TBL1X: variants seen among roughly 807,000 people sequenced by gnomAD.
TBL1X encodes transducin beta like 1 X-linked, also known as F-box-like/WD repeat-containing protein TBL1X.
In TBL1X, 10 loss-of-function variants were observed where a neutral mutation model predicts 50.7. The ratio of observed to expected loss-of-function variants is 0.20; its 90% CI spans 0.12 to 0.33. The LOEUF (loss-of-function observed/expected upper bound fraction) is 0.33. Ranked by LOEUF, TBL1X falls within the 10% of genes least tolerant of loss-of-function variation. The pLI is 1.00. For missense variants in TBL1X, 340 were observed against 504.4 expected (o/e 0.67, Z 3.12); for synonymous variants, 190 against 214.7 (o/e 0.88, Z 1.01).
intron 2 of TBL1X, among the ~76,000 whole-genome samples, chrX:9,638,553 T>C (rs1012587343): frequency 8.9e-6 from 1 of 112,471 alleles, no homozygotes; most frequent in Non-Finnish European, 1.9e-5. Context: ...ATTATACTTA[T>C]TGAATTTAAC....
At chrX:9,616,769 A>G (rs1019301035) in intron 2 of TBL1X, among the ~76,000 whole-genome samples, 2 of 111,943 alleles carry the variant, frequency 1.8e-5, no homozygotes, top group African/African-American at 6.5e-5. Flanking sequence ...GTAAATCATT[A>G]TAATTGTGTT....
At chrX:9,565,258 C>CA (rs769758321) in intron 2 of TBL1X, among the ~76,000 whole-genome samples, 6 of 78,905 alleles carry the variant, frequency 7.6e-5, no homozygotes, top group African/African-American at 3.1e-4. Context: ...GGTGGCAGAG[C>CA]GAGACTCCGT....
chrX:9,626,988 A>G (rs1429610606), intron 2 of TBL1X, among the ~76,000 whole-genome samples: 1 of 112,447 alleles, frequency 8.9e-6, no homozygotes, highest in Non-Finnish European at 1.9e-5. Context: ...AGCATTGTAT[A>G]TATTTAACTA....
In TBL1X at chrX:9,492,879, GT is replaced by G. The variant is rs1569206121; in HGVS notation, c.-200-8900del. Reference sequence around the variant, plus strand: ...TGTGTGTGTGTGTGTGTGTGTGTGTGTGTGTGTGTGTGTGTGTGTAGGGGAG... The same window carrying G: ...TGTGTGTGTGTGTGTGTGTGTGTGTGGTGTGTGTGTGTGTGTGTAGGGGAG... On this transcript the variant is annotated intron_variant, in intron 1 of 17. Transcript: ENST00000645353. 3.5e-3 allele frequency among the ~76,000 whole-genome samples: 183 copies of G among 51,876 alleles called. 4 individuals carry two copies. The highest frequency in any genetic ancestry group is 8.5e-3 in the Admixed American group (35 of 4,138). 45.0% of individuals were successfully genotyped at this position (51,876 alleles called of 115,157 possible).
intron 2 of TBL1X, among the ~76,000 whole-genome samples, chrX:9,608,913 G>C (rs1359056774): frequency 1.8e-5 from 2 of 108,920 alleles, no homozygotes; most frequent in Non-Finnish European, 3.9e-5. Context: ...CTTGGGAAGA[G>C]AGTTTCTCCT....
chrX:9,559,483 A>G (rs2082315154), intron 2 of TBL1X, among the ~76,000 whole-genome samples: 1 of 111,429 alleles, frequency 9.0e-6, no homozygotes, highest in Non-Finnish European at 1.9e-5. Context: ...GACGAAGTAT[A>G]TTTCTAAATT....
intron 5 of TBL1X, among the ~76,000 whole-genome samples, chrX:9,666,729 A>G (rs764552666): frequency 1.4e-4 from 16 of 111,665 alleles, no homozygotes; most frequent in Non-Finnish European, 2.4e-4. Flanking sequence ...GGGAAGAGTC[A>G]GACATTGTCT....
chrX:9,712,072 C>T (rs1403591857), intron 16 of TBL1X, among the ~76,000 whole-genome samples: 2 of 112,399 alleles, frequency 1.8e-5, no homozygotes, highest in Non-Finnish European at 3.8e-5. Flanking sequence ...TTGAAGGAGC[C>T]GCTGTCTTCT....
intron 9 of TBL1X, among the ~76,000 whole-genome samples, chrX:9,692,740 G>A (rs1192425564): frequency 2.7e-5 from 3 of 112,781 alleles, no homozygotes; most frequent in African/African-American, 9.7e-5. Flanking sequence ...TAACAAGGCT[G>A]CATTTGGCAG....
intron 15 of TBL1X, among the ~76,000 whole-genome samples, 190 bp downstream of exon 15, chrX:9,709,950 C>T (rs1031742582): frequency 1.8e-5 from 2 of 112,735 alleles, no homozygotes; most frequent in South Asian, 7.2e-4. Context: ...TTGAGTCAGG[C>T]ACAGTGGCTT....
chrX:9,535,091 C>T (rs1754984669), intron 2 of TBL1X: 1 of 111,573 alleles, frequency 9.0e-6, no homozygotes, highest in South Asian at 3.8e-4. Context: ...AGGCCAGACA[C>T]ATGGGCTTCT....
intron 1 of TBL1X, among the ~76,000 whole-genome samples, chrX:9,472,157 G>A (rs1377504226): frequency 1.8e-5 from 2 of 112,522 alleles, no homozygotes; most frequent in Non-Finnish European, 3.8e-5. Flanking sequence ...TGAATGTGCA[G>A]TATTGTTCAG....
chrX:9,571,329 C>G (rs1162366775), intron 2 of TBL1X, among the ~76,000 whole-genome samples: 1 of 112,145 alleles, frequency 8.9e-6, no homozygotes, highest in Non-Finnish European at 1.9e-5. Flanking sequence ...AACTTCATTT[C>G]ATTTACAGGG....
chrX:9,654,437 G>T (rs767003874), intron 5 of TBL1X, 115 bp downstream of exon 5: 2 of 810,368 alleles, frequency 2.5e-6, no homozygotes, highest in Non-Finnish European at 1.8e-6. Flanking sequence ...GAGCTAAGAA[G>T]GTTCTTAGTG....
At chrX:9,611,396 C>G (rs755591443) in intron 2 of TBL1X, among the ~76,000 whole-genome samples, 1 of 112,390 alleles carries the variant, frequency 8.9e-6, no homozygotes, top group East Asian at 2.8e-4. Flanking sequence ...TAGTTCCAAA[C>G]AGAACTTAAC....
At position 9,595,595 on chromosome X, in the gene TBL1X, T is replaced by C. The variant is rs148519678; in HGVS notation, c.-130-44678T>C. The stretch of plus-strand genomic sequence containing the variant: ...TTCTTGTCGGTGTCTCACTGGCTTT[T>C]AGCAAAATGGAGACGAAGATGAAAG... On this transcript the variant is annotated intron_variant, in intron 2 of 17. Transcript: ENST00000645353. Among the ~76,000 whole-genome samples, 4 of 112,074 alleles carry C rather than the reference T, an allele frequency of 3.6e-5. No homozygotes were observed. In the East Asian group the frequency reaches 1.1e-3, roughly 31 times the overall value.
At chrX:9,503,670 G>A (rs2082012356) in intron 2 of TBL1X, among the ~76,000 whole-genome samples, 1 of 113,213 alleles carries the variant, frequency 8.8e-6, no homozygotes, top group Non-Finnish European at 1.9e-5. Context: ...TGCGGCTAGA[G>A]TGCCTCTTCA....
intron 1 of TBL1X, among the ~76,000 whole-genome samples, chrX:9,484,906 A>G (rs1403690183): frequency 2.2e-5 from 2 of 91,178 alleles, no homozygotes; most frequent in African/African-American, 8.5e-5. Context: ...ATGTAGAGAG[A>G]CCCTGGCACT....
At chrX:9,644,642 A>AT (rs1439737312) in intron 3 of TBL1X, 1 of 104,156 alleles carries the variant, frequency 9.6e-6, no homozygotes, top group East Asian at 2.9e-4. Context: ...CATCATGGGG[A>AT]TTTTTTCTTT....
Sources: allele counts gnomAD v4.1 joint callset (sites outside exome capture counted in the v4.1 genomes callset), GRCh38; gene constraint gnomAD v4.1.1; transcripts MANE v1.5; gene names NCBI Gene and HGNC (gene_info 2026-07-23, HGNC 2026-07-21).